ARHGAP26: variants seen among roughly 807,000 people sequenced by gnomAD.
ARHGAP26 encodes the protein Rho GTPase activating protein 26.
In ARHGAP26, 38 loss-of-function variants were observed where a neutral mutation model predicts 104.8. That is an observed-to-expected ratio of 0.36 (90% CI 0.28 to 0.48). The LOEUF (loss-of-function observed/expected upper bound fraction) is 0.48. Ranked by LOEUF, ARHGAP26 falls within the 20% of genes least tolerant of loss-of-function variation. ARHGAP26 has a pLI of 0.99. For missense variants in ARHGAP26, 704 were observed against 947.9 expected (o/e 0.74, Z 3.38); for synonymous variants, 341 against 340.0 (o/e 1.00, Z -0.03).
At chr5:143,189,661 C>G (rs1478015315) in intron 20 of ARHGAP26, among the ~76,000 whole-genome samples, 1 of 152,054 alleles carries the variant, frequency 6.6e-6, no homozygotes, top group Non-Finnish European at 1.5e-5. Flanking sequence ...AAAGTGTATA[C>G]CTGCCTTAGT....
At chr5:142,899,997 A>G (rs1456493482) in intron 6 of ARHGAP26, among the ~76,000 whole-genome samples, 2 of 152,234 alleles carry the variant, frequency 1.3e-5, no homozygotes, top group Non-Finnish European at 2.9e-5. Flanking sequence ...TAATAGGAGG[A>G]ATGACCTTGG....
At chr5:142,934,018 A>G (rs1018250225) in intron 11 of ARHGAP26, among the ~76,000 whole-genome samples, 3 of 152,184 alleles carry the variant, frequency 2.0e-5, no homozygotes, top group Non-Finnish European at 4.4e-5. Context: ...AGGAAGAACA[A>G]TCCTGTATGG....
chr5:142,923,427 AT>A (rs1415243189), intron 10 of ARHGAP26, among the ~76,000 whole-genome samples: 25 of 152,236 alleles, frequency 1.6e-4, no homozygotes, highest in African/African-American at 5.8e-4. Flanking sequence ...TGAAAAAAAA[AT>A]ACATGAAACA....
At chr5:142,944,139 C>T (rs926787584) in intron 11 of ARHGAP26, among the ~76,000 whole-genome samples, 1 of 152,140 alleles carries the variant, frequency 6.6e-6, no homozygotes, top group African/African-American at 2.4e-5. Context: ...AAGTCCCTCT[C>T]TAGAGTTAAA....
At chr5:142,987,339 T>G (rs1774906391) in intron 11 of ARHGAP26, among the ~76,000 whole-genome samples, 2 of 152,234 alleles carry the variant, frequency 1.3e-5, no homozygotes, top group Admixed American at 1.3e-4. Flanking sequence ...TTTTGCACAT[T>G]GATTTTGTAT....
intron 17 of ARHGAP26, among the ~76,000 whole-genome samples, chr5:143,106,538 C>G (rs1016200290): frequency 7.3e-5 from 9 of 123,504 alleles, no homozygotes; most frequent in Admixed American, 1.1e-4. Context: ...AGTGGTGCAA[C>G]GTCAGCTCAT....
intron 5 of ARHGAP26, among the ~76,000 whole-genome samples, chr5:142,893,975 A>G (rs760635284): frequency 2.7e-5 from 4 of 147,068 alleles, no homozygotes; most frequent in African/African-American, 7.5e-5. Flanking sequence ...AGTTCCTTGT[A>G]TACATTTACC....
rs1755034615 is a variant in ARHGAP26, at chr5:142,770,744, C to G, written c.-18C>G. The stretch of plus-strand genomic sequence containing the variant: ...GCCCCGGCGGAGGCGCGCCCCCCGG[C>G]TGGGCGCCGCGCGCACCATGGGGCT... On this transcript the variant is annotated 5_prime_UTR_variant, in exon 1 of 23. Transcript: ENST00000645722. 8.2e-6 allele frequency: 11 copies of G among 1,346,834 alleles called. No homozygotes were observed. The highest frequency in any genetic ancestry group is 1.1e-5 in the Non-Finnish European group (11 of 1,035,754). The allele number at this position is 1,346,834 out of a possible 1,614,324, so 83.4% of individuals were successfully genotyped here. A position where few individuals can be genotyped will look rare whatever the true frequency, so the allele number is the denominator to read the frequency against.
At chr5:142,847,680 A>G (rs1049950516) in intron 1 of ARHGAP26, among the ~76,000 whole-genome samples, 1 of 152,234 alleles carries the variant, frequency 6.6e-6, no homozygotes, top group Admixed American at 6.5e-5. Flanking sequence ...CTTAACTGCC[A>G]TTAGGTGGCA....
chr5:143,109,840 TA>T (rs1794549164), intron 17 of ARHGAP26, among the ~76,000 whole-genome samples: 1 of 152,192 alleles, frequency 6.6e-6, no homozygotes, highest in Non-Finnish European at 1.5e-5. Flanking sequence ...CTAATACTGT[TA>T]CCCCTCTGAT....
At chr5:143,108,467 C>T (rs535026880) in intron 17 of ARHGAP26, among the ~76,000 whole-genome samples, 343 of 152,198 alleles carry the variant, frequency 2.3e-3, no homozygotes, top group African/African-American at 7.8e-3. Context: ...AATCAAATAT[C>T]CAAACATAAT....
At chr5:142,812,754 T>G (rs994449373) in intron 1 of ARHGAP26, among the ~76,000 whole-genome samples, 4 of 151,998 alleles carry the variant, frequency 2.6e-5, no homozygotes, top group Non-Finnish European at 4.4e-5. Context: ...CCCATGTTGG[T>G]CTTAAACTCC....
At chr5:142,902,471 C>T (rs1453990738) in intron 7 of ARHGAP26, among the ~76,000 whole-genome samples, 1 of 152,182 alleles carries the variant, frequency 6.6e-6, no homozygotes, top group Non-Finnish European at 1.5e-5. Context: ...GTTCTCTTGT[C>T]CAACTCTTAG....
At chr5:142,799,238 G>T (rs1761583933) in intron 1 of ARHGAP26, among the ~76,000 whole-genome samples, 1 of 151,980 alleles carries the variant, frequency 6.6e-6, no homozygotes, top group Non-Finnish European at 1.5e-5. Flanking sequence ...TTTCTTTAGA[G>T]ATATGTGTTT....
At chr5:142,880,690 A>G (rs951497764) in intron 4 of ARHGAP26, among the ~76,000 whole-genome samples, 1 of 151,762 alleles carries the variant, frequency 6.6e-6, no homozygotes, top group African/African-American at 2.4e-5. Flanking sequence ...CTCTTACGCC[A>G]CCTGCAGGGG....
At chr5:143,167,474 C>T (rs34683596) in intron 20 of ARHGAP26, among the ~76,000 whole-genome samples, 13,799 of 100,516 alleles carry the variant, frequency 0.14, 1,534 homozygotes, top group African/African-American at 0.38. Context: ...CAGAGCAAGA[C>T]TCCATCTCAA....
chr5:143,226,528 C>A lies in ARHGAP26; in HGVS notation c.*4082C>A, dbSNP rs1430621692. On this transcript the variant is annotated 3_prime_UTR_variant, in exon 23 of 23. Coordinates refer to ENST00000645722, the MANE Select transcript of ARHGAP26 (RefSeq NM_001135608.3). The stretch of plus-strand genomic sequence containing the variant: ...AAAAGAATGCCATGCCAGGAGAAGA[C>A]AGCTGGTTTCAAATCCCTGCCCCCA... 1.0e-5 allele frequency: 2 copies of A among 191,128 alleles called. No individual in the cohort carries two copies. Among genetic ancestry groups the A allele is most frequent in the Non-Finnish European group, 2.2e-5 (2 of 91,952 alleles). The allele number at this position is 191,128 out of a possible 1,614,324, so 11.8% of individuals were successfully genotyped here. A position where few individuals can be genotyped will look rare whatever the true frequency, so the allele number is the denominator to read the frequency against.
chr5:143,210,379 C>T lies in ARHGAP26; in HGVS notation c.2099+3071C>T, dbSNP rs148663880. Among the ~76,000 whole-genome samples, 542 of 152,166 alleles carry T rather than the reference C, an allele frequency of 3.6e-3. 2 individuals are homozygous for T. The highest frequency in any genetic ancestry group is 0.012 in the African/African-American group (507 of 41,508). ...CCCCAGTGATTCAATCATCTCCCAC[C>T]GAGTCTCTCCCACAACACGGGAATG... On this transcript the variant is annotated intron_variant, in intron 21 of 22. Transcript: ENST00000645722.
At chr5:143,004,895 G>A (rs1381494606) in intron 11 of ARHGAP26, among the ~76,000 whole-genome samples, 1 of 152,202 alleles carries the variant, frequency 6.6e-6, no homozygotes, top group Non-Finnish European at 1.5e-5. Context: ...AAGAAGTGGG[G>A]ATGAGGAATA....
Sources: gnomAD v4.1 joint callset for allele counts (sites outside exome capture counted in the v4.1 genomes callset) on GRCh38, gnomAD v4.1.1 for gene constraint, MANE v1.5 for transcripts, NCBI Gene and HGNC (gene_info 2026-07-23, HGNC 2026-07-21) for gene names.